PRELID3A: variants seen among roughly 807,000 people sequenced by gnomAD.
PRELID3A encodes PRELI domain containing 3A.
PRELID3A carries 27 observed loss-of-function variants against 23.0 expected under a neutral mutation model. The observed-to-expected ratio is 1.17, with a 90% confidence interval of 0.87 to 1.62. PRELID3A has a LOEUF of 1.62. Among genes scored for constraint, PRELID3A ranks in the 40% most tolerant of loss-of-function variants. PRELID3A has a pLI of 0.00. For synonymous variants in PRELID3A, 87 were observed against 86.4 expected (o/e 1.01, Z -0.04); for missense variants, 231 against 231.4 (o/e 1.00, Z 0.01).
intron 6 of PRELID3A, 92 bp downstream of exon 6, chr18:12,429,528 G>A (rs1002585156): frequency 4.2e-5 from 32 of 763,072 alleles, no homozygotes; most frequent in African/African-American, 1.7e-4. Flanking sequence ...CCAGAAGTAC[G>A]CAGCTGCTGG....
intron 1 of PRELID3A, among the ~76,000 whole-genome samples, chr18:12,409,276 C>G (rs1482228049): frequency 6.9e-6 from 1 of 144,368 alleles, no homozygotes; most frequent in Non-Finnish European, 1.5e-5. Flanking sequence ...AAGTGATTCT[C>G]GTGCCTCAGC....
intron 3 of PRELID3A, chr18:12,422,296 T>C (rs896433055): frequency 6.6e-6 from 1 of 150,864 alleles, no homozygotes; most frequent in African/African-American, 2.4e-5. Flanking sequence ...CTTCATGGGT[T>C]CAAGCGATTC....
At chr18:12,408,347 G>T (rs987848563) in intron 1 of PRELID3A, among the ~76,000 whole-genome samples, 2 of 151,662 alleles carry the variant, frequency 1.3e-5, no homozygotes, top group Non-Finnish European at 2.9e-5. Context: ...GAGCCGGGGG[G>T]GCGGCCGGGG....
chr18:12,408,666 A>G (rs368882370), intron 1 of PRELID3A, among the ~76,000 whole-genome samples: 2 of 152,010 alleles, frequency 1.3e-5, no homozygotes, highest in East Asian at 3.9e-4. Flanking sequence ...AAAGACAAGT[A>G]TCGCATGTTC....
chr18:12,408,124 GC>G, intron 1 of PRELID3A, 117 bp downstream of exon 1: 1 of 955,076 alleles, frequency 1.0e-6, no homozygotes, highest in Non-Finnish European at 1.4e-6. Context: ...GGAGATCCCC[GC>G]CCCGCGCCGG....
chr18:12,421,556 G>A lies in PRELID3A; in HGVS notation c.218G>A (p.Arg73Lys). The change falls in exon 3 of 7, where the codon AGG (arginine) becomes AAG (lysine). Residue 73 changes from arginine (R) to lysine (K), a missense_variant. Coordinates refer to ENST00000440960, the MANE Select transcript of PRELID3A (RefSeq NM_001142405.2). ...GTTTTCTAGATTTTGGGAACCAGTA[G>A]GACATTGACATACATCCGAGAACAT... Reference protein sequence around the residue: ...SLVRAILGTSRTLTYIREHSV... With the variant: ...SLVRAILGTSKTLTYIREHSV... 6.2e-7 allele frequency: 1 copy of A among 1,613,130 alleles called. No homozygotes were observed. Among genetic ancestry groups the A allele is most frequent in the East Asian group, 2.2e-5 (1 of 44,874 alleles).
rs575960453 is a variant in PRELID3A at position 12,409,363 on chromosome 18, C to T, written c.32+1356C>T. Reference sequence around the variant, plus strand: ...TGTATTTTTAGTAGAAACAGGGTTTCGCCATGTTGGCCAGGCTGGTCTCGA... The same window carrying T: ...TGTATTTTTAGTAGAAACAGGGTTTTGCCATGTTGGCCAGGCTGGTCTCGA... On this transcript the variant is annotated intron_variant, in intron 1 of 6. Coordinates refer to ENST00000440960, the MANE Select transcript of PRELID3A (RefSeq NM_001142405.2). 9.9e-5 allele frequency among the ~76,000 whole-genome samples: 15 copies of T among 151,900 alleles called. No homozygotes were observed. The East Asian group carries it at 1.2e-3, about 12-fold the overall frequency.
intron 1 of PRELID3A, among the ~76,000 whole-genome samples, chr18:12,414,997 C>T (rs748358465): frequency 1.3e-4 from 20 of 151,950 alleles, no homozygotes; most frequent in Admixed American, 1.0e-3. Context: ...AGTGCAATCA[C>T]GACTTACTGC....
At chr18:12,412,967 G>C (rs1289913338) in intron 1 of PRELID3A, among the ~76,000 whole-genome samples, 3 of 152,166 alleles carry the variant, frequency 2.0e-5, no homozygotes. Flanking sequence ...GAGATAACTT[G>C]ATTCTCATAT....
intron 1 of PRELID3A, among the ~76,000 whole-genome samples, chr18:12,419,325 CAAAA>C (rs71172083): frequency 2.9e-5 from 3 of 104,502 alleles, no homozygotes; most frequent in African/African-American, 3.8e-5. Context: ...GACTCCATAT[CAAAA>C]AAAAAAAAAA....
intron 3 of PRELID3A, among the ~76,000 whole-genome samples, chr18:12,426,373 T>C (rs1409228839): frequency 6.7e-6 from 1 of 149,166 alleles, no homozygotes; most frequent in Non-Finnish European, 1.5e-5. Flanking sequence ...GCTAACACGG[T>C]GAAACTCCGT....
At chr18:12,413,476 G>A (rs2029874602) in intron 1 of PRELID3A, among the ~76,000 whole-genome samples, 1 of 152,182 alleles carries the variant, frequency 6.6e-6, no homozygotes, top group African/African-American at 2.4e-5. Context: ...ACCCAAGTAT[G>A]ACTTGGAAGC....
Position 12,420,397 on chromosome 18 carries a change from C to T in PRELID3A, c.105C>T (p.Gly35=). Residue 35 remains glycine (G), a synonymous_variant, in exon 2 of 7, where the codon GGC becomes GGT. Coordinates refer to ENST00000440960, the MANE Select transcript of PRELID3A (RefSeq NM_001142405.2). Reference sequence around the variant, plus strand: ...ACCCGATGAACCCGAGCGTGCTGGGCGTGGATGTGCTACAGCGCCGCGTGG... The same window carrying T: ...ACCCGATGAACCCGAGCGTGCTGGGTGTGGATGTGCTACAGCGCCGCGTGG... ...YPNPMNPSVL[G]VDVLQRRVDG... 1 of 1,608,976 alleles carries T rather than the reference C, an allele frequency of 6.2e-7. No individual in the cohort carries two copies. Among genetic ancestry groups the T allele is most frequent in the African/African-American group, 1.3e-5 (1 of 74,952 alleles).
At chr18:12,424,039 G>A (rs934895772) in intron 3 of PRELID3A, among the ~76,000 whole-genome samples, 7 of 152,218 alleles carry the variant, frequency 4.6e-5, no homozygotes, top group Non-Finnish European at 8.8e-5. Flanking sequence ...CTGCAGGATA[G>A]AGCCTAGCTC....
At chr18:12,414,756 A>C (rs1044316366) in intron 1 of PRELID3A, among the ~76,000 whole-genome samples, 1 of 151,812 alleles carries the variant, frequency 6.6e-6, no homozygotes, top group East Asian at 2.0e-4. Flanking sequence ...CCCCCACCAA[A>C]AGAAAAGGTC....
intron 2 of PRELID3A, among the ~76,000 whole-genome samples, 192 bp downstream of exon 2, chr18:12,420,685 G>A (rs1251500876): frequency 7.4e-6 from 1 of 135,996 alleles, no homozygotes; most frequent in African/African-American, 2.7e-5. Flanking sequence ...GAACTTCCCC[G>A]AGATCAGGGG....
intron 2 of PRELID3A, among the ~76,000 whole-genome samples, 194 bp downstream of exon 2, chr18:12,420,687 G>A (rs1232165023): frequency 1.5e-5 from 2 of 135,956 alleles, no homozygotes; most frequent in East Asian, 4.7e-4. Context: ...ACTTCCCCGA[G>A]ATCAGGGGGC....
rs1231910418 is a variant in PRELID3A, at chr18:12,431,905, C to G, written c.*789C>G. On this transcript the variant is annotated 3_prime_UTR_variant, in exon 7 of 7. Coordinates refer to ENST00000440960, the MANE Select transcript of PRELID3A (RefSeq NM_001142405.2). ...CCTGCTGGGGCTGGAGGCCATGGAT[C>G]CCTCATAGTATCCAAGGTTTGAGTT... 3.3e-5 allele frequency: 5 copies of G among 152,194 alleles called. No individual in the cohort carries two copies. The highest frequency in any genetic ancestry group is 4.8e-5 in the African/African-American group (2 of 41,454). The allele number at this position is 152,194 out of a possible 1,614,324, so 9.4% of individuals were successfully genotyped here. A position where few individuals can be genotyped will look rare whatever the true frequency, so the allele number is the denominator to read the frequency against.
At chr18:12,418,809 GTC>G (rs1315994738) in intron 1 of PRELID3A, among the ~76,000 whole-genome samples, 2 of 152,164 alleles carry the variant, frequency 1.3e-5, no homozygotes, top group East Asian at 3.9e-4. Flanking sequence ...TCAGACGTGT[GTC>G]TGACCCTGCA....
Sources: gnomAD v4.1 joint callset for allele counts (sites outside exome capture counted in the v4.1 genomes callset) on GRCh38, gnomAD v4.1.1 for gene constraint, MANE v1.5 for transcripts, NCBI Gene and HGNC (gene_info 2026-07-23, HGNC 2026-07-21) for gene names.